OAT: variants seen among roughly 807,000 people sequenced by gnomAD.
The protein encoded by OAT is ornithine aminotransferase.
Under a neutral mutation model 48.4 loss-of-function variants are expected in OAT, and 35 were observed. The observed-to-expected ratio is 0.72, with a 90% CI of 0.55 to 0.96. The LOEUF (loss-of-function observed/expected upper bound fraction) is 0.96. Ranked by LOEUF, OAT falls within the 40% of genes least tolerant of loss-of-function variation. OAT has a pLI of 0.00. For missense variants in OAT, 438 were observed against 537.9 expected, an observed-to-expected ratio of 0.81 and a Z score of 1.84; for synonymous variants, 182 against 198.4, an observed-to-expected ratio of 0.92 and a Z score of 0.70.
chr10:124,401,712 G>A lies in OAT; in HGVS notation c.1014+14C>T, dbSNP rs1436043423. ...TTTAAAGAATAGACACTGTGTGGCT[G>A]TATCAGTCTTTACCTCAAGGGCTGC... On this transcript the variant is annotated intron_variant, in intron 8 of 9. Transcript: ENST00000368845. The A allele has an allele frequency of 3.9e-6, 6 of 1,534,750 alleles. No individual in the cohort carries two copies. Among genetic ancestry groups the A allele is most frequent in the South Asian group, 1.1e-5 (1 of 89,608 alleles).
At chr10:124,408,307 GTGTGTGTGTGTATATA>G (rs1172024927) in intron 4 of OAT, among the ~76,000 whole-genome samples, 1 of 52,590 alleles carries the variant, frequency 1.9e-5, no homozygotes, top group African/African-American at 1.2e-4. Context: ...GTGTGTGTGT[GTGTGTGTGTGTATATA>G]TATATATATA....
intron 3 of OAT, 38 bp downstream of exon 3, chr10:124,408,703 T>A (rs76406136): frequency 1.3e-6 from 2 of 1,581,002 alleles, no homozygotes; most frequent in South Asian, 2.2e-5. Flanking sequence ...AAAAAGATTA[T>A]TTTTGAGGGT....
chr10:124,399,925 C>T (rs1407985479), intron 9 of OAT, among the ~76,000 whole-genome samples: 1 of 152,150 alleles, frequency 6.6e-6, no homozygotes. Context: ...CAAGTCCAGA[C>T]TCACCAACAA....
rs33917094 is a variant in OAT at position 124,398,659 on chromosome 10, C to CA, written c.1160-558dup. ...TTTTCATAAATGAAAAAGACCAAGC[C>CA]AAAAAAAAAAAAAAAAATGTGCTAA... On this transcript the variant is annotated intron_variant, in intron 9 of 9. Transcript: ENST00000368845. Among the ~76,000 whole-genome samples the CA allele has an allele frequency of 6.0e-3, 789 of 132,164 alleles. 8 individuals carry two copies. Among genetic ancestry groups the CA allele is most frequent in the Middle Eastern group, 0.017 (4 of 232 alleles). The allele number at this position is 132,164 out of a possible 152,430, so 86.7% of individuals were successfully genotyped here. A position where few individuals can be genotyped will look rare whatever the true frequency, so the allele number is the denominator to read the frequency against.
chr10:124,404,865 G>A (rs764102449), intron 5 of OAT, among the ~76,000 whole-genome samples: 9 of 152,182 alleles, frequency 5.9e-5, no homozygotes, highest in South Asian at 2.1e-4. Context: ...CCAACGTGGC[G>A]AAACCATGTC....
At chr10:124,404,555 G>A (rs1053572696) in intron 5 of OAT, among the ~76,000 whole-genome samples, 3 of 151,946 alleles carry the variant, frequency 2.0e-5, no homozygotes, top group African/African-American at 7.3e-5. Flanking sequence ...CCAAAGTGCT[G>A]CGATTACAGG....
At chr10:124,417,001 A>G (rs1193288636) in intron 1 of OAT, among the ~76,000 whole-genome samples, 2 of 152,222 alleles carry the variant, frequency 1.3e-5, no homozygotes, top group Non-Finnish European at 2.9e-5. Context: ...GGTCAACTAC[A>G]GCACATCCTC....
intron 9 of OAT, 127 bp downstream of exon 9, chr10:124,400,713 G>A: frequency 1.4e-6 from 1 of 705,894 alleles, no homozygotes; most frequent in Non-Finnish European, 2.3e-6. Context: ...TTGCGCCACG[G>A]CACTGCAGCC....
intron 4 of OAT, among the ~76,000 whole-genome samples, chr10:124,407,979 C>T (rs1951630599): frequency 6.6e-6 from 1 of 152,016 alleles, no homozygotes; most frequent in African/African-American, 2.4e-5. Flanking sequence ...TAGGCCATGG[C>T]CCCACACTAA....
chr10:124,412,020 C>T lies in OAT; in HGVS notation c.152G>A (p.Gly51Asp), dbSNP rs11553554. 12 of 1,614,048 alleles carry T rather than the reference C, an allele frequency of 7.4e-6. No individual in the cohort carries two copies. The highest frequency in any genetic ancestry group is 6.6e-5 in the South Asian group (6 of 91,088). Residue 51 changes from glycine to aspartate, a missense_variant, in exon 2 of 10, where the codon GGT (glycine) becomes GAT (aspartate). Gly to Asp is a moderately conservative substitution (Grantham distance 94). Transcript: ENST00000368845. ...AGGTAAAGGATGGTAGTTGTGTGCA[C>T]CATACTTATATTCCCTTTCAAAAAT... ...DDIFEREYKY[G>D]AHNYHPLPVA...
intron 7 of OAT, among the ~76,000 whole-genome samples, chr10:124,402,130 C>T (rs1342179611): frequency 6.6e-6 from 1 of 152,028 alleles, no homozygotes. Context: ...GAACTCATGA[C>T]CTCAGGTGAT....
chr10:124,404,422 C>T lies in OAT; in HGVS notation c.649-502G>A, dbSNP rs185363770. On this transcript the variant is annotated intron_variant, in intron 5 of 9. Coordinates refer to ENST00000368845, the MANE Select transcript of OAT (RefSeq NM_000274.4). ...AGCTGGGATTACAGGCGCACAGCAC[C>T]ACGCCCAGCTAATTTTTTTTTGTAT... Among the ~76,000 whole-genome samples, 25 of 152,074 alleles carry T rather than the reference C, an allele frequency of 1.6e-4. No individual in the cohort carries two copies. In the East Asian group the frequency reaches 3.3e-3, roughly 20 times the overall value.
intron 2 of OAT, among the ~76,000 whole-genome samples, chr10:124,411,500 C>G (rs895091413): frequency 6.6e-6 from 1 of 152,116 alleles, no homozygotes; most frequent in Non-Finnish European, 1.5e-5. Flanking sequence ...TAGCACCTAA[C>G]ACAGCAGCAC....
chr10:124,399,335 A>ATTTTTTTTTTTT (rs1427092729), intron 9 of OAT, among the ~76,000 whole-genome samples: 1 of 100,376 alleles, frequency 1.0e-5, no homozygotes. Context: ...TCCCCAGGTG[A>ATTTTTTTTTTTT]TTCTTTTTTT....
chr10:124,400,340 C>T (rs192349349), intron 9 of OAT, among the ~76,000 whole-genome samples: 83 of 150,856 alleles, frequency 5.5e-4, no homozygotes, highest in African/African-American at 1.8e-3. Flanking sequence ...ACCAGCTACT[C>T]GGGAGGCTGA....
intron 9 of OAT, 137 bp from the exon 10 acceptor site, chr10:124,398,239 G>T: frequency 1.1e-6 from 1 of 947,248 alleles, no homozygotes; most frequent in Non-Finnish European, 1.6e-6. Context: ...GGCTGGGAGC[G>T]GTGGCTTATG....
chr10:124,415,656 C>A (rs778517540), intron 1 of OAT, among the ~76,000 whole-genome samples: 1 of 152,138 alleles, frequency 6.6e-6, no homozygotes, highest in Non-Finnish European at 1.5e-5. Context: ...GGTTTCAAAA[C>A]CGGGAGAATC....
intron 5 of OAT, among the ~76,000 whole-genome samples, chr10:124,404,376 T>A (rs1373851862): frequency 6.6e-6 from 1 of 151,902 alleles, no homozygotes; most frequent in Non-Finnish European, 1.5e-5. Flanking sequence ...CCAGCAATTC[T>A]CCTGCCTCAG....
Position 124,408,315 on chromosome 10 carries a change from G to A in OAT, c.520+227C>T, listed in dbSNP as rs370741486. On this transcript the variant is annotated intron_variant, in intron 4 of 9. Coordinates refer to ENST00000368845, the MANE Select transcript of OAT (RefSeq NM_000274.4). ...TGTGTGTGTGTGTGTGTGTGTGTGT[G>A]TGTATATATATATATATATATATAT... Among the ~76,000 whole-genome samples, 13,795 of 62,196 alleles carry A rather than the reference G, an allele frequency of 0.22. 1,043 individuals are homozygous for A. Among genetic ancestry groups the A allele is most frequent in the East Asian group, 0.45 (981 of 2,164 alleles). The allele number at this position is 62,196 out of a possible 152,430, so 40.8% of individuals were successfully genotyped here. A position where few individuals can be genotyped will look rare whatever the true frequency, so the allele number is the denominator to read the frequency against.
Sources: allele counts gnomAD v4.1 joint callset (sites outside exome capture counted in the v4.1 genomes callset), GRCh38; gene constraint gnomAD v4.1.1; transcripts MANE v1.5; gene names NCBI Gene and HGNC (gene_info 2026-07-23, HGNC 2026-07-21).